IFT122: variants seen among roughly 807,000 people sequenced by gnomAD.
IFT122 encodes the protein intraflagellar transport protein 122 homolog.
IFT122 carries 118 observed loss-of-function variants against 161.6 expected under a neutral mutation model. The observed-to-expected ratio is 0.73, with a 90% confidence interval of 0.63 to 0.85. The LOEUF is 0.85. Ranked by LOEUF, IFT122 falls within the 40% of genes least tolerant of loss-of-function variation. The pLI is 0.00. For missense variants in IFT122, 1,381 were observed against 1,579.6 expected, an observed-to-expected ratio of 0.87 and a Z score of 2.13; for synonymous variants, 550 against 602.4, an observed-to-expected ratio of 0.91 and a Z score of 1.27.
At position 129,520,373 on chromosome 3, in the gene IFT122, GT is replaced by G. The variant is rs1204544237; in HGVS notation, c.*111del. The G allele has an allele frequency of 2.1e-6, 2 of 951,610 alleles. No individual in the cohort carries two copies. Among genetic ancestry groups the G allele is most frequent in the Non-Finnish European group, 3.3e-6 (2 of 613,008 alleles). The allele number at this position is 951,610 out of a possible 1,614,324, so 58.9% of individuals were successfully genotyped here. Reference sequence around the variant, plus strand: ...AGAATGTGTTTCTTGCCCAGATGAAGTTTGTGTTTTGTGGGGGGGGCCTTGT... The same window carrying G: ...AGAATGTGTTTCTTGCCCAGATGAAGTTGTGTTTTGTGGGGGGGGCCTTGT... On this transcript the variant is annotated 3_prime_UTR_variant, in exon 30 of 30. Coordinates refer to ENST00000348417, the MANE Select transcript of IFT122 (RefSeq NM_052989.3).
intron 25 of IFT122, 104 bp from the exon 26 acceptor site, chr3:129,515,384 C>T: frequency 2.1e-6 from 2 of 949,682 alleles, no homozygotes; most frequent in Non-Finnish European, 3.3e-6. Context: ...ACCCGGGTGG[C>T]CTTTCCTCTT....
At chr3:129,487,837 G>A in intron 15 of IFT122, 1 of 328,194 alleles carries the variant, frequency 3.0e-6, no homozygotes, top group South Asian at 2.6e-5. Context: ...AGAGGAAGCT[G>A]AGACTCTTTC....
intron 1 of IFT122, among the ~76,000 whole-genome samples, chr3:129,441,359 CT>C (rs1056548996): frequency 1.3e-5 from 2 of 152,164 alleles, no homozygotes; most frequent in African/African-American, 4.8e-5. Flanking sequence ...CGGGTCCTCT[CT>C]TTTGTGTTCG....
rs756062644 is a variant in IFT122, at chr3:129,507,649, C to T, written c.2792-19C>T. ...ACACTGTTTGACACGTTTCCCCTCC[C>T]ACCCGCTGCACACAGCAGATCCTGC... is the stretch of plus-strand genomic sequence containing the variant. On this transcript the variant is annotated intron_variant, in intron 22 of 29. Transcript: ENST00000348417. The T allele has an allele frequency of 2.7e-5, 44 of 1,607,038 alleles. No individual in the cohort carries two copies. The highest frequency in any genetic ancestry group is 3.6e-5 in the Non-Finnish European group (42 of 1,173,682).
In IFT122 at chr3:129,470,408, C is replaced by T. The variant is rs1042177637; in HGVS notation, c.816+991C>T. Among the ~76,000 whole-genome samples the T allele has an allele frequency of 4.6e-5, 7 of 151,974 alleles. No homozygotes were observed. The South Asian group carries it at 6.2e-4, about 13-fold the overall frequency. ...CCTCCTGAGTAGCTGGGACTACAGG[C>T]GCCCACCACCACGCCTGGCTAATAT... On this transcript the variant is annotated intron_variant, in intron 9 of 29. Transcript: ENST00000348417.
At chr3:129,501,461 C>G (rs1367359472) in intron 19 of IFT122, among the ~76,000 whole-genome samples, 1 of 152,092 alleles carries the variant, frequency 6.6e-6, no homozygotes, top group Non-Finnish European at 1.5e-5. Context: ...GTCCTACCAC[C>G]CCATCTTTTT....
intron 7 of IFT122, among the ~76,000 whole-genome samples, chr3:129,465,691 G>A (rs2076692101): frequency 7.9e-6 from 1 of 125,892 alleles, no homozygotes; most frequent in East Asian, 3.0e-4. Context: ...GCCGGACTGC[G>A]GACTGCAGTG....
In IFT122 at chr3:129,514,298, G is replaced by A. The variant is rs77184436; in HGVS notation, c.2988-91G>A. ...TGCCTTCCCGGCACCAGCACAAGCT[G>A]TGTTCCAGCCTGGGGCTCACTCCAA... On this transcript the variant is annotated intron_variant, in intron 24 of 29. Transcript: ENST00000348417. The A allele has an allele frequency of 5.2e-3, 7,380 of 1,418,098 alleles. 271 individuals carry two copies. The African/African-American group carries it at 0.088, about 17-fold the overall frequency. 87.8% of individuals were successfully genotyped at this position (1,418,098 alleles called of 1,614,324 possible).
intron 1 of IFT122, among the ~76,000 whole-genome samples, chr3:129,446,823 T>G (rs2074062807): frequency 6.6e-6 from 1 of 152,204 alleles, no homozygotes; most frequent in African/African-American, 2.4e-5. Flanking sequence ...ACTGGCAAGT[T>G]TATCCCATGC....
Position 129,481,551 on chromosome 3 carries a change from A to C in IFT122, c.1510A>C (p.Asn504His). 6.3e-7 allele frequency: 1 copy of C among 1,583,498 alleles called. No individual in the cohort carries two copies. Residue 504 changes from asparagine to histidine, a missense_variant, in exon 14 of 30, where the codon AAT (asparagine) becomes CAT (histidine). Transcript: ENST00000348417. ...CCAGATCCTGAAGATCTTCGTGGAC[A>C]ATCTCTTTGCTATCGTCCTGCTGAA... The part of the protein sequence containing the change: ...NGQILKIFVD[N>H]LFAIVLLKQA...
chr3:129,461,002 C>G, intron 4 of IFT122: 1 of 1,325,236 alleles, frequency 7.5e-7, no homozygotes, highest in Non-Finnish European at 1.1e-6. Context: ...CCAACCTGGC[C>G]AAAAGTGAGT....
chr3:129,456,184 C>G (rs1287706853), intron 3 of IFT122: 17 of 1,198,154 alleles, frequency 1.4e-5, no homozygotes, highest in Admixed American at 4.6e-5. Context: ...AATTCTGACC[C>G]AGAGACTCTG....
chr3:129,476,975 G>A (rs2078030468), intron 11 of IFT122, among the ~76,000 whole-genome samples, 174 bp downstream of exon 11: 1 of 149,538 alleles, frequency 6.7e-6, no homozygotes, highest in South Asian at 2.1e-4. Context: ...GGGGGAAGTA[G>A]GGATGCCAGT....
intron 23 of IFT122, among the ~76,000 whole-genome samples, chr3:129,510,293 G>A (rs1030796676): frequency 2.0e-5 from 3 of 152,128 alleles, no homozygotes; most frequent in Non-Finnish European, 4.4e-5. Context: ...CCTCTAATCT[G>A]TGCTGACTTC....
chr3:129,448,341 A>G (rs2074297877), intron 1 of IFT122, among the ~76,000 whole-genome samples: 1 of 152,228 alleles, frequency 6.6e-6, no homozygotes, highest in Admixed American at 6.5e-5. Context: ...GGTGAAATGC[A>G]GGTTTTATAG....
chr3:129,470,572 T>TTTTG (rs1382788126), intron 9 of IFT122, among the ~76,000 whole-genome samples: 3 of 149,474 alleles, frequency 2.0e-5, no homozygotes, highest in African/African-American at 5.0e-5. Flanking sequence ...GCCTATGATT[T>TTTTG]TTTGTTTGTT....
chr3:129,451,622 A>G (rs2074861048), intron 2 of IFT122, among the ~76,000 whole-genome samples: 1 of 152,202 alleles, frequency 6.6e-6, no homozygotes, highest in Non-Finnish European at 1.5e-5. Context: ...ATATATCCAA[A>G]TTCAGGTAAG....
chr3:129,488,207 C>G lies in IFT122; in HGVS notation c.1852-50C>G, dbSNP rs1559939958. On this transcript the variant is annotated intron_variant, in intron 15 of 29. Coordinates refer to ENST00000348417, the MANE Select transcript of IFT122 (RefSeq NM_052989.3). The stretch of plus-strand genomic sequence containing the variant: ...AGGCTCTGTATGCATCTGGTTCTTT[C>G]CATGGCTCTGAAAACAGTCTTCTTT... The G allele has an allele frequency of 1.9e-6, 3 of 1,613,376 alleles. No homozygotes were observed. The South Asian group carries it at 3.3e-5, about 18-fold the overall frequency.
intron 13 of IFT122, 32 bp from the exon 14 acceptor site, chr3:129,481,498 G>T (rs773496085): frequency 2.7e-6 from 4 of 1,462,568 alleles, no homozygotes; most frequent in Non-Finnish European, 3.8e-6. Context: ...TTGCCATGGT[G>T]ACTGACACTG....
Sources: gnomAD v4.1 joint callset for allele counts (sites outside exome capture counted in the v4.1 genomes callset) on GRCh38, gnomAD v4.1.1 for gene constraint, MANE v1.5 for transcripts, NCBI Gene and HGNC (gene_info 2026-07-23, HGNC 2026-07-21) for gene names.